The following CHCHD6 variants were observed in gnomAD, a reference collection of about 807,000 sequenced individuals.
The protein encoded by CHCHD6 is coiled-coil-helix-coiled-coil-helix domain containing 6.
A neutral mutation model predicts 32.3 loss-of-function variants in CHCHD6; 28 were observed. The ratio of observed to expected loss-of-function variants is 0.87; its 90% CI spans 0.64 to 1.19. The LOEUF (loss-of-function observed/expected upper bound fraction) is 1.19, where lower values mean the gene tolerates loss of function less well. Among genes scored for constraint, CHCHD6 ranks in the 50% most tolerant of loss-of-function variants. The pLI is 0.00. For synonymous variants in CHCHD6, 122 were observed against 117.5 expected, an observed-to-expected ratio of 1.04 and a Z score of -0.25; for missense variants, 333 against 307.0, an observed-to-expected ratio of 1.08 and a Z score of -0.63.
intron 4 of CHCHD6, among the ~76,000 whole-genome samples, chr3:126,802,919 TAAAG>T (rs902293872): frequency 2.0e-5 from 3 of 151,950 alleles, no homozygotes; most frequent in African/African-American, 7.3e-5. Context: ...TCAACATTCT[TAAAG>T]AAAAGAATTT....
At chr3:126,814,906 C>A (rs1466543199) in intron 4 of CHCHD6, among the ~76,000 whole-genome samples, 1 of 152,084 alleles carries the variant, frequency 6.6e-6, no homozygotes, top group South Asian at 2.1e-4. Flanking sequence ...GGGGATAGCC[C>A]CCAACCTGTG....
intron 6 of CHCHD6, among the ~76,000 whole-genome samples, chr3:126,931,569 T>C (rs2107598779): frequency 6.6e-6 from 1 of 152,282 alleles, no homozygotes; most frequent in South Asian, 2.1e-4. Context: ...AACTTTGACT[T>C]TGGGCTCTTT....
intron 4 of CHCHD6, among the ~76,000 whole-genome samples, chr3:126,805,613 A>T (rs181118414): frequency 4.1e-4 from 62 of 152,314 alleles, no homozygotes; most frequent in Non-Finnish European, 7.5e-4. Context: ...TATCGTGAAA[A>T]TGGCCATACT....
At chr3:126,902,020 C>T (rs79397827) in intron 5 of CHCHD6, among the ~76,000 whole-genome samples, 1 of 152,348 alleles carries the variant, frequency 6.6e-6, no homozygotes, top group Non-Finnish European at 1.5e-5. Context: ...TTAAGTAATT[C>T]GTCCTAAGGC....
At chr3:126,934,536 CTTTTTTTTTTTTTTTTTTTTT>C (rs386397861) in intron 6 of CHCHD6, among the ~76,000 whole-genome samples, 13 of 58,246 alleles carry the variant, frequency 2.2e-4, no homozygotes, top group African/African-American at 9.3e-4. Flanking sequence ...CCCCTCTCTG[CTTTTTTTTTTTTTTTTTTTTT>C]TTTTTTTTTG....
intron 4 of CHCHD6, among the ~76,000 whole-genome samples, chr3:126,785,828 T>A (rs1418396233): frequency 6.6e-6 from 1 of 152,160 alleles, no homozygotes; most frequent in East Asian, 1.9e-4. Context: ...TACATATATA[T>A]AAGTAGATAT....
intron 5 of CHCHD6, among the ~76,000 whole-genome samples, chr3:126,882,108 A>G (rs1274972695): frequency 3.3e-5 from 5 of 152,158 alleles, no homozygotes; most frequent in African/African-American, 4.8e-5. Context: ...TTCATAGCCC[A>G]TAGTGTCCTT....
chr3:126,936,349 T>A (rs981968749), intron 6 of CHCHD6, among the ~76,000 whole-genome samples: 14 of 152,138 alleles, frequency 9.2e-5, no homozygotes, highest in African/African-American at 3.4e-4. Context: ...GAAATGTTAG[T>A]CCTGGGCTGC....
intron 4 of CHCHD6, among the ~76,000 whole-genome samples, chr3:126,762,121 T>C (rs6809738): frequency 2.0e-5 from 3 of 152,214 alleles, no homozygotes; most frequent in African/African-American, 7.2e-5. Context: ...GATTATCTTT[T>C]GTTTTTCTAT....
At chr3:126,766,711 C>A (rs1384280914) in intron 4 of CHCHD6, 6 of 1,145,160 alleles carry the variant, frequency 5.2e-6, no homozygotes, top group East Asian at 2.4e-5. Flanking sequence ...GATTATCCAG[C>A]CACAGAGGTC....
chr3:126,941,067 C>T (rs1222641080), intron 6 of CHCHD6, among the ~76,000 whole-genome samples: 2 of 152,170 alleles, frequency 1.3e-5, no homozygotes, highest in African/African-American at 4.8e-5. Context: ...TTGTAACTTA[C>T]ATTATATTAC....
At chr3:126,835,281 C>T (rs1312447920) in intron 4 of CHCHD6, among the ~76,000 whole-genome samples, 1 of 152,186 alleles carries the variant, frequency 6.6e-6, no homozygotes, top group South Asian at 2.1e-4. Flanking sequence ...CACACAGCCC[C>T]GATCCCTCCA....
At chr3:126,751,131 C>T (rs1342221417) in intron 4 of CHCHD6, among the ~76,000 whole-genome samples, 1 of 150,774 alleles carries the variant, frequency 6.6e-6, no homozygotes, top group Non-Finnish European at 1.5e-5. Context: ...CTTGCCGGGC[C>T]TCTGGGGGAC....
Position 126,867,534 on chromosome 3 carries a change from T to C in CHCHD6, c.495+14804T>C, listed in dbSNP as rs140879013. Reference sequence around the variant, plus strand: ...TGTTAAACAGATAATTTTAATGAAATGGGTACTCTAAGGCATTTTCCTTTC... The same window carrying C: ...TGTTAAACAGATAATTTTAATGAAACGGGTACTCTAAGGCATTTTCCTTTC... On this transcript the variant is annotated intron_variant, in intron 5 of 7. Coordinates refer to ENST00000290913, the MANE Select transcript of CHCHD6 (RefSeq NM_032343.3). Among the ~76,000 whole-genome samples, 645 of 152,330 alleles carry C rather than the reference T, an allele frequency of 4.2e-3. 8 individuals are homozygous for C. The highest frequency in any genetic ancestry group is 0.014 in the African/African-American group (580 of 41,572).
At chr3:126,910,273 G>GAAAAAAACAAAAAC (rs2078068269) in intron 5 of CHCHD6, among the ~76,000 whole-genome samples, 1 of 111,456 alleles carries the variant, frequency 9.0e-6, no homozygotes, top group African/African-American at 3.2e-5. Flanking sequence ...CCTGCCTCAG[G>GAAAAAAACAAAAAC]AAAAAAAAAA....
chr3:126,788,742 A>G (rs1327474579), intron 4 of CHCHD6, among the ~76,000 whole-genome samples: 2 of 152,088 alleles, frequency 1.3e-5, no homozygotes, highest in African/African-American at 2.4e-5. Context: ...CTAGCGGTCT[A>G]TCAATTTTGT....
intron 5 of CHCHD6, among the ~76,000 whole-genome samples, chr3:126,886,381 C>G (rs771568046): frequency 6.6e-6 from 1 of 152,192 alleles, no homozygotes; most frequent in African/African-American, 2.4e-5. Context: ...CCCCCTCTCC[C>G]CCTTCCAGGA....
chr3:126,815,710 T>C (rs1296651341), intron 4 of CHCHD6, among the ~76,000 whole-genome samples: 1 of 147,946 alleles, frequency 6.8e-6, no homozygotes, highest in East Asian at 2.1e-4. Flanking sequence ...CCACCAGAAT[T>C]ATCCATCAGA....
At chr3:126,953,012 A>G (rs1019304356) in intron 6 of CHCHD6, 18 of 985,356 alleles carry the variant, frequency 1.8e-5, no homozygotes, top group Admixed American at 1.2e-4. Context: ...CTGAATGCCA[A>G]TGATTCCTTC....
Sources: gnomAD v4.1 joint callset for allele counts (sites outside exome capture counted in the v4.1 genomes callset) on GRCh38, gnomAD v4.1.1 for gene constraint, MANE v1.5 for transcripts, NCBI Gene and HGNC (gene_info 2026-07-23, HGNC 2026-07-21) for gene names.